LRMDA: variants seen among roughly 807,000 people sequenced by gnomAD.
LRMDA encodes the protein leucine rich melanocyte differentiation associated.
Under a neutral mutation model 29.8 loss-of-function variants are expected in LRMDA, and 18 were observed. The ratio of observed to expected loss-of-function variants is 0.60; its 90% CI spans 0.42 to 0.90. The LOEUF is 0.90. Ranked by LOEUF, LRMDA falls within the 40% of genes least tolerant of loss-of-function variation. The pLI is 0.00. For synonymous variants in LRMDA, 125 were observed against 109.4 expected, an observed-to-expected ratio of 1.14 and a Z score of -0.89; for missense variants, 273 against 273.9, an observed-to-expected ratio of 1.00 and a Z score of 0.02.
At chr10:75,503,919 C>T (rs1271890410) in intron 2 of LRMDA, among the ~76,000 whole-genome samples, 1 of 151,780 alleles carries the variant, frequency 6.6e-6, no homozygotes. Flanking sequence ...AGCCACATAC[C>T]AGATAATAAG....
chr10:75,889,136 T>G (rs1006698509), intron 2 of LRMDA, among the ~76,000 whole-genome samples: 5 of 152,174 alleles, frequency 3.3e-5, no homozygotes, highest in African/African-American at 4.8e-5. Flanking sequence ...CAAGGGTGTT[T>G]GTGGAGTTTT....
chr10:75,665,303 A>G (rs2132138172), intron 2 of LRMDA, among the ~76,000 whole-genome samples: 1 of 152,328 alleles, frequency 6.6e-6, no homozygotes, highest in South Asian at 2.1e-4. Flanking sequence ...GATTTCCCCC[A>G]CTGAGTAACT....
rs115448301 is a variant in LRMDA, at chr10:75,712,814, C to G, written c.131+274320C>G. 4.1e-3 allele frequency among the ~76,000 whole-genome samples: 623 copies of G among 151,986 alleles called. 5 individuals are homozygous for G. The highest frequency in any genetic ancestry group is 0.012 in the African/African-American group (498 of 41,402). ...TCAGCGTCCCCCCACCCCCAGCCCC[C>G]CAACTACATTCACTGACACTCATTT... On this transcript the variant is annotated intron_variant, in intron 2 of 6. Coordinates refer to ENST00000611255, the MANE Select transcript of LRMDA (RefSeq NM_001305581.2).
At chr10:76,300,679 T>C (rs1840470007) in intron 5 of LRMDA, among the ~76,000 whole-genome samples, 2 of 152,234 alleles carry the variant, frequency 1.3e-5, no homozygotes, top group South Asian at 4.1e-4. Flanking sequence ...CCTTTTTCTA[T>C]GGTAGTTATT....
At chr10:76,415,542 T>G (rs1330696343) in intron 6 of LRMDA, among the ~76,000 whole-genome samples, 2 of 152,198 alleles carry the variant, frequency 1.3e-5, no homozygotes, top group African/African-American at 4.8e-5. Context: ...GGAGTTGGAC[T>G]AAATGGTATC....
chr10:76,293,074 A>C (rs1840369222), intron 5 of LRMDA, among the ~76,000 whole-genome samples: 3 of 152,140 alleles, frequency 2.0e-5, no homozygotes, highest in Admixed American at 6.5e-5. Context: ...CCCGCCTCCC[A>C]GGTTCATGCA....
At chr10:75,728,292 C>G (rs866797409) in intron 2 of LRMDA, among the ~76,000 whole-genome samples, 44 of 152,108 alleles carry the variant, frequency 2.9e-4, no homozygotes, top group African/African-American at 1.0e-3. Context: ...TAACCCAGAC[C>G]AACAGTGATG....
intron 3 of LRMDA, among the ~76,000 whole-genome samples, chr10:76,038,931 C>T (rs1589298907): frequency 6.6e-6 from 1 of 152,326 alleles, no homozygotes; most frequent in East Asian, 1.9e-4. Flanking sequence ...CATGCAGCCA[C>T]ATCTACCTGG....
chr10:76,327,701 A>T (rs1840853324), intron 6 of LRMDA, among the ~76,000 whole-genome samples: 1 of 152,158 alleles, frequency 6.6e-6, no homozygotes, highest in South Asian at 2.1e-4. Flanking sequence ...CACCTCTGCG[A>T]GGTAACTTGA....
intron 5 of LRMDA, among the ~76,000 whole-genome samples, chr10:76,070,485 G>T (rs1848857311): frequency 6.6e-6 from 1 of 152,186 alleles, no homozygotes; most frequent in Admixed American, 6.5e-5. Context: ...GAAAGAGAAG[G>T]AGATCTCTCC....
chr10:75,820,712 G>A (rs188936693), intron 2 of LRMDA, among the ~76,000 whole-genome samples: 2 of 152,164 alleles, frequency 1.3e-5, no homozygotes, highest in African/African-American at 4.8e-5. Context: ...CCACTCAAAG[G>A]ATCAATGTAA....
At chr10:76,066,012 A>C (rs1245789140) in intron 5 of LRMDA, among the ~76,000 whole-genome samples, 1 of 152,232 alleles carries the variant, frequency 6.6e-6, no homozygotes. Context: ...CCTCTACATG[A>C]GAAAGAAATG....
intron 2 of LRMDA, among the ~76,000 whole-genome samples, chr10:75,486,361 C>T (rs935291337): frequency 6.6e-6 from 1 of 152,034 alleles, no homozygotes; most frequent in Non-Finnish European, 1.5e-5. Context: ...TCTTGTAGTT[C>T]TTGTTTTTGA....
intron 6 of LRMDA, among the ~76,000 whole-genome samples, chr10:76,450,102 C>T (rs999312131): frequency 2.6e-5 from 4 of 152,012 alleles, no homozygotes; most frequent in African/African-American, 9.7e-5. Flanking sequence ...GACAGACATT[C>T]ATTTTTCGTG....
chr10:76,311,963 G>A (rs1269179966), intron 5 of LRMDA, among the ~76,000 whole-genome samples: 1 of 152,094 alleles, frequency 6.6e-6, no homozygotes. Context: ...TGTCCCTCAT[G>A]GTGGTGCAGT....
At chr10:76,158,210 A>G (rs897387181) in intron 5 of LRMDA, among the ~76,000 whole-genome samples, 3 of 152,258 alleles carry the variant, frequency 2.0e-5, no homozygotes, top group South Asian at 2.1e-4. Context: ...TGATCTACAC[A>G]TTGTACTTTA....
chr10:75,675,860 C>G (rs1273427089), intron 2 of LRMDA, among the ~76,000 whole-genome samples: 1 of 152,218 alleles, frequency 6.6e-6, no homozygotes, highest in African/African-American at 2.4e-5. Context: ...CTGATCTATT[C>G]CGCAAGGTCC....
chr10:75,624,622 A>G (rs1841228871), intron 2 of LRMDA, among the ~76,000 whole-genome samples: 1 of 152,160 alleles, frequency 6.6e-6, no homozygotes, highest in Non-Finnish European at 1.5e-5. Flanking sequence ...AGAATAATAT[A>G]AAGAGGGCAA....
chr10:76,189,863 C>T (rs1430714868), intron 5 of LRMDA, among the ~76,000 whole-genome samples: 1 of 152,138 alleles, frequency 6.6e-6, no homozygotes, highest in East Asian at 1.9e-4. Context: ...CTTTCAGGCT[C>T]ACCTCTGACC....
Sources: allele counts gnomAD v4.1 joint callset (sites outside exome capture counted in the v4.1 genomes callset), GRCh38; gene constraint gnomAD v4.1.1; transcripts MANE v1.5; gene names NCBI Gene and HGNC (gene_info 2026-07-23, HGNC 2026-07-21).